Variants in NT5DC1 observed in about 807,000 individuals in gnomAD.
NT5DC1 encodes the protein 5'-nucleotidase domain containing 1, also known as 5'-nucleotidase domain-containing protein 1.
NT5DC1 carries 42 observed loss-of-function variants against 59.4 expected under a neutral mutation model. The observed-to-expected ratio is 0.71, with a 90% confidence interval of 0.55 to 0.92. NT5DC1 has a LOEUF of 0.92. Ranked by LOEUF, NT5DC1 falls within the 40% of genes least tolerant of loss-of-function variation. The pLI, the probability that NT5DC1 is intolerant of heterozygous loss-of-function variation, is 0.00. For synonymous variants in NT5DC1, 172 were observed against 188.1 expected (o/e 0.91, Z 0.70); for missense variants, 501 against 537.1 (o/e 0.93, Z 0.66).
In NT5DC1 at chr6:116,117,866, C is replaced by A. The variant is rs757159964; in HGVS notation, c.450C>A (p.Asn150Lys). ...ATTTGGAATTATTTTTTCAGCTGAACAATGGTCAAAAAACATTTGATTTTT... is the reference window on the plus strand; with the variant it reads ...ATTTGGAATTATTTTTTCAGCTGAAAAATGGTCAAAAAACATTTGATTTTT... ...ARVVDYLTKLNNGQKTFDFWK... is the reference protein window; with the variant it reads ...ARVVDYLTKLKNGQKTFDFWK... Residue 150 changes from asparagine to lysine, a missense_variant, in exon 6 of 12, where the codon AAC (asparagine) becomes AAA (lysine). Physicochemically the swap from Asn to Lys is moderately conservative, Grantham distance 94. Coordinates refer to ENST00000319550, the MANE Select transcript of NT5DC1 (RefSeq NM_152729.3). 62 of 1,539,720 alleles carry A rather than the reference C, an allele frequency of 4.0e-5. No homozygotes were observed. The highest frequency in any genetic ancestry group is 3.8e-5 in the Non-Finnish European group (43 of 1,117,732).
chr6:116,136,798 TC>T (rs1779617853), intron 6 of NT5DC1, among the ~76,000 whole-genome samples: 1 of 152,216 alleles, frequency 6.6e-6, no homozygotes, highest in Non-Finnish European at 1.5e-5. Flanking sequence ...AATCTGTTAC[TC>T]AGAACAAGAA....
At chr6:116,163,141 A>AATATATATATAT (rs1554197063) in intron 6 of NT5DC1, among the ~76,000 whole-genome samples, 11 of 88,378 alleles carry the variant, frequency 1.2e-4, no homozygotes, top group African/African-American at 5.2e-4. Context: ...AAAAAAAAAA[A>AATATATATATAT]ATATATATAT....
intron 6 of NT5DC1, chr6:116,125,525 ATAACTT>A (rs1319153371): frequency 6.2e-7 from 1 of 1,609,934 alleles, no homozygotes; most frequent in Non-Finnish European, 8.5e-7. Flanking sequence ...ACAGAAAAGA[ATAACTT>A]TATACAGCAT....
At chr6:116,142,662 T>G (rs1044973382) in intron 6 of NT5DC1, among the ~76,000 whole-genome samples, 5 of 152,164 alleles carry the variant, frequency 3.3e-5, no homozygotes, top group Non-Finnish European at 7.4e-5. Flanking sequence ...CTTAAAGCAG[T>G]CGATGGCAGT....
At chr6:116,141,263 ATT>A (rs201726112) in intron 6 of NT5DC1, among the ~76,000 whole-genome samples, 2 of 142,750 alleles carry the variant, frequency 1.4e-5, no homozygotes, top group Admixed American at 6.9e-5. Context: ...TTTTTATCAG[ATT>A]TTTTTTTTTT....
intron 8 of NT5DC1, among the ~76,000 whole-genome samples, chr6:116,227,195 CA>C (rs934029537): frequency 6.6e-6 from 1 of 152,118 alleles, no homozygotes; most frequent in Non-Finnish European, 1.5e-5. Flanking sequence ...GGCTTTTTTA[CA>C]TTCCAAATGT....
chr6:116,110,779 A>G, intron 3 of NT5DC1, 71 bp from the exon 4 acceptor site: 2 of 1,077,198 alleles, frequency 1.9e-6, no homozygotes, highest in Non-Finnish European at 2.9e-6. Context: ...AGGGATCAAC[A>G]GTCACAATGA....
Position 116,100,928 on chromosome 6 carries a change from G to T in NT5DC1, c.-3G>T. 6.3e-7 allele frequency: 1 copy of T among 1,597,134 alleles called. No homozygotes were observed. Among genetic ancestry groups the T allele is most frequent in the Non-Finnish European group, 8.5e-7 (1 of 1,173,766 alleles). On this transcript the variant is annotated 5_prime_UTR_variant, in exon 1 of 12. Coordinates refer to ENST00000319550, the MANE Select transcript of NT5DC1 (RefSeq NM_152729.3). ...GGCGCTCCCTGGTGCTCCCCGCGCA[G>T]CCATGGCTCAGCACTTCTCCCTGGC...
At position 116,120,271 on chromosome 6, in the gene NT5DC1, A is replaced by G. The variant is rs775134952; in HGVS notation, c.529+2326A>G. The G allele has an allele frequency of 6.2e-6, 10 of 1,614,098 alleles. No individual in the cohort carries two copies. In the South Asian group the frequency reaches 7.7e-5, roughly 12 times the overall value. The stretch of plus-strand genomic sequence containing the variant: ...TGTACATTACAGGGGTGCCATTCTT[A>G]TACAGGCCTACCCAAACATGAGTCC... On this transcript the variant is annotated intron_variant, in intron 6 of 11. Coordinates refer to ENST00000319550, the MANE Select transcript of NT5DC1 (RefSeq NM_152729.3).
chr6:116,114,209 AC>A (rs924768821), intron 4 of NT5DC1, among the ~76,000 whole-genome samples: 14 of 152,288 alleles, frequency 9.2e-5, no homozygotes, highest in Non-Finnish European at 1.9e-4. Flanking sequence ...GAGAATGGAC[AC>A]AAACTGGCAC....
intron 4 of NT5DC1, among the ~76,000 whole-genome samples, chr6:116,115,213 T>G (rs1458153817): frequency 1.5e-5 from 2 of 132,546 alleles, no homozygotes; most frequent in African/African-American, 6.6e-5. Context: ...ATCACCCCAG[T>G]TTTTTTCACA....
chr6:116,118,991 C>T (rs1447899733), intron 6 of NT5DC1: 1 of 152,496 alleles, frequency 6.6e-6, no homozygotes, highest in Non-Finnish European at 1.5e-5. Context: ...TTGAGAACAG[C>T]AAATTGCTGC....
At chr6:116,225,485 G>C (rs895868406) in intron 8 of NT5DC1, among the ~76,000 whole-genome samples, 2 of 152,142 alleles carry the variant, frequency 1.3e-5, no homozygotes, top group African/African-American at 2.4e-5. Flanking sequence ...GAAAACAGTA[G>C]AATACGTGTT....
intron 4 of NT5DC1, among the ~76,000 whole-genome samples, chr6:116,112,081 A>T (rs2114904440): frequency 6.6e-6 from 1 of 152,230 alleles, no homozygotes; most frequent in East Asian, 1.9e-4. Context: ...TCAGTAAGAC[A>T]CATCTGTTTA....
At chr6:116,209,722 G>C (rs1322704931) in intron 6 of NT5DC1, among the ~76,000 whole-genome samples, 1 of 151,856 alleles carries the variant, frequency 6.6e-6, no homozygotes, top group Non-Finnish European at 1.5e-5. Flanking sequence ...TGGAAGGTCT[G>C]AGTTTCCAGA....
At chr6:116,143,304 A>G (rs1374202004) in intron 6 of NT5DC1, among the ~76,000 whole-genome samples, 1 of 152,064 alleles carries the variant, frequency 6.6e-6, no homozygotes, top group Admixed American at 6.5e-5. Context: ...TCCAACTCCC[A>G]GGTTCAAGCA....
chr6:116,182,293 G>A (rs1005325856), intron 6 of NT5DC1, among the ~76,000 whole-genome samples: 1 of 150,570 alleles, frequency 6.6e-6, no homozygotes, highest in African/African-American at 2.5e-5. Context: ...TTTGATTGAT[G>A]AACATTTGGG....
chr6:116,115,822 G>A (rs1344941944), intron 5 of NT5DC1, 52 bp downstream of exon 5: 1 of 888,302 alleles, frequency 1.1e-6, no homozygotes. Flanking sequence ...GTCATAAATT[G>A]GAGGACCTAA....
chr6:116,235,709 T>C (rs1199930543), intron 8 of NT5DC1, among the ~76,000 whole-genome samples: 2 of 152,234 alleles, frequency 1.3e-5, no homozygotes, highest in African/African-American at 2.4e-5. Flanking sequence ...TGTTTTTTGT[T>C]ATAAACTAAG....
Sources: gnomAD v4.1 joint callset for allele counts (sites outside exome capture counted in the v4.1 genomes callset) on GRCh38, gnomAD v4.1.1 for gene constraint, MANE v1.5 for transcripts, NCBI Gene and HGNC (gene_info 2026-07-23, HGNC 2026-07-21) for gene names.